MRPL37: variants seen among roughly 807,000 people sequenced by gnomAD.
MRPL37 encodes mitochondrial ribosomal protein L37.
MRPL37 carries 34 observed loss-of-function variants against 44.1 expected under a neutral mutation model. That is an observed-to-expected ratio of 0.77 (90% confidence interval 0.59 to 1.03). The LOEUF is 1.03. Ranked by LOEUF, MRPL37 falls within the 50% of genes least tolerant of loss-of-function variation. MRPL37 has a pLI of 0.00. For missense variants in MRPL37, 532 were observed against 543.7 expected (o/e 0.98, Z 0.21); for synonymous variants, 212 against 219.5 (o/e 0.97, Z 0.30).
At position 54,218,280 on chromosome 1, in the gene MRPL37, T is replaced by G. The variant is rs1644211529; in HGVS notation, c.*31T>G. 1 of 1,613,956 alleles carries G rather than the reference T, an allele frequency of 6.2e-7. No homozygotes were observed. The highest frequency in any genetic ancestry group is 1.7e-5 in the Admixed American group (1 of 60,010). On this transcript the variant is annotated 3_prime_UTR_variant, in exon 7 of 7. Transcript: ENST00000360840. ...GGACCCCTCTGAATCCTGAAACCCC[T>G]CTTGCCTCTCTTCCACGGAAGAGGG...
chr1:54,224,379 G>A (rs1234699197), downstream of MRPL37, among the ~76,000 whole-genome samples: 3 of 152,208 alleles, frequency 2.0e-5, no homozygotes, highest in African/African-American at 7.2e-5. Flanking sequence ...AACATCACTT[G>A]TAGCGAACAC....
chr1:54,204,997 TTG>T lies in MRPL37; in HGVS notation c.347-18_347-17del, dbSNP rs774987753. The T allele has an allele frequency of 6.3e-7, 1 of 1,591,736 alleles. No individual in the cohort carries two copies. The highest frequency in any genetic ancestry group is 8.6e-7 in the Non-Finnish European group (1 of 1,167,466). ...AATCTTTTTCTTTCCTTCTTTATTT[TTG>T]TGGCTAATTACCTCAAAGGTGTAAA... On this transcript the variant is annotated intron_variant, in intron 1 of 6. Transcript: ENST00000360840.
At chr1:54,208,270 C>T (rs11206302) in intron 3 of MRPL37, among the ~76,000 whole-genome samples, 133,897 of 152,178 alleles carry the variant, frequency 0.88, 59,150 homozygotes, top group Non-Finnish European at 0.92. Context: ...TGGCTGGGTG[C>T]GGTGGCTCAT....
chr1:54,220,282 C>T (rs80011366), downstream of MRPL37, among the ~76,000 whole-genome samples: 646 of 152,178 alleles, frequency 4.2e-3, 4 homozygotes, highest in African/African-American at 0.015. Context: ...TCTGAGTAAG[C>T]GGACCATCAG....
chr1:54,209,427 T>C (rs1003589319), intron 3 of MRPL37, among the ~76,000 whole-genome samples: 40 of 152,140 alleles, frequency 2.6e-4, no homozygotes, highest in African/African-American at 9.2e-4. Flanking sequence ...GCTTTAGACT[T>C]TGCAGGATTG....
At chr1:54,219,924 G>C (rs150711211), downstream of MRPL37, among the ~76,000 whole-genome samples, 65 of 152,330 alleles carry the variant, frequency 4.3e-4, 1 homozygote, top group African/African-American at 1.5e-3. Context: ...ATTAGTATCT[G>C]TTGATGGCAG....
chr1:54,221,869 T>G (rs1644237256), downstream of MRPL37, among the ~76,000 whole-genome samples: 1 of 152,066 alleles, frequency 6.6e-6, no homozygotes, highest in African/African-American at 2.4e-5. Context: ...GTACCAGGTG[T>G]TGTGCTGGGA....
downstream of MRPL37, chr1:54,220,880 C>T (rs543583729): frequency 1.9e-3 from 864 of 453,110 alleles, 12 homozygotes; most frequent in South Asian, 0.013. Flanking sequence ...CCATTGTGAA[C>T]GTATTTCTCA....
At chr1:54,225,130 TAA>T (rs922901480), downstream of MRPL37, 7 of 1,234,056 alleles carry the variant, frequency 5.7e-6, no homozygotes, top group East Asian at 1.6e-4. Context: ...TCCAGAAAAA[TAA>T]AAGACATTCC....
chr1:54,205,805 A>G (rs1644117707), intron 3 of MRPL37, among the ~76,000 whole-genome samples: 2 of 152,202 alleles, frequency 1.3e-5, no homozygotes, highest in Admixed American at 1.3e-4. Context: ...CATTTTCATC[A>G]TGGCCTGCTA....
intron 3 of MRPL37, 98 bp downstream of exon 3, chr1:54,205,508 G>A (rs1336561772): frequency 8.4e-6 from 8 of 949,160 alleles, no homozygotes; most frequent in African/African-American, 4.9e-5. Flanking sequence ...CCCAAATACC[G>A]ATCCTTACTC....
intron 4 of MRPL37, 112 bp downstream of exon 4, chr1:54,210,243 T>C: frequency 9.8e-7 from 1 of 1,021,670 alleles, no homozygotes. Context: ...TCGTGTGTAT[T>C]ACCTATCTCC....
intron 6 of MRPL37, among the ~76,000 whole-genome samples, chr1:54,217,682 TTTC>T (rs1557735275): frequency 1.3e-5 from 2 of 152,230 alleles, no homozygotes; most frequent in Non-Finnish European, 2.9e-5. Flanking sequence ...TTCTTCCTGC[TTTC>T]TTCTTTTTCC....
chr1:54,203,851 A>AG (rs920896034), intron 1 of MRPL37, among the ~76,000 whole-genome samples: 1 of 152,176 alleles, frequency 6.6e-6, no homozygotes, highest in East Asian at 1.9e-4. Flanking sequence ...GTACATAGCT[A>AG]GGGTCAGCTA....
Position 54,207,737 on chromosome 1 carries a change from A to G in MRPL37, c.647-2209A>G, listed in dbSNP as rs36095846. ...TCTTGCAGATTATATGTGAGGAAAC[A>G]GGAAATACTTTAGAAAACTATTCTT... is the stretch of plus-strand genomic sequence containing the variant. On this transcript the variant is annotated intron_variant, in intron 3 of 6. Transcript: ENST00000360840. 3.0e-3 allele frequency among the ~76,000 whole-genome samples: 453 copies of G among 152,362 alleles called. 3 individuals carry two copies. The highest frequency in any genetic ancestry group is 0.011 in the African/African-American group (439 of 41,580).
chr1:54,225,024 A>G, downstream of MRPL37: 1 of 1,165,396 alleles, frequency 8.6e-7, no homozygotes, highest in Non-Finnish European at 1.1e-6. Flanking sequence ...AGCCAGTCCC[A>G]CCCGAGGGGA....
rs1202528997 is a variant in MRPL37 at position 54,212,529 on chromosome 1, TC to T, written c.865del (p.His289IlefsTer25). The T allele has an allele frequency of 6.2e-7, 1 of 1,614,182 alleles. No individual in the cohort carries two copies. Among genetic ancestry groups the T allele is most frequent in the East Asian group, 2.2e-5 (1 of 44,890 alleles). On this transcript the variant is annotated frameshift_variant, in exon 5 of 7. Coordinates refer to ENST00000360840, the MANE Select transcript of MRPL37 (RefSeq NM_016491.4). LOFTEE classifies it high-confidence loss of function. ...TCCAGGAAGGCTATCCTTACCCCTATCCCCATACCCTGTACTTACTGGACAA... is the reference window on the plus strand; with the variant it reads ...TCCAGGAAGGCTATCCTTACCCCTATCCCATACCCTGTACTTACTGGACAA... ...GFQEGYPYPY[P>X]HTLYLLDKAN... is the part of the protein sequence containing the mutation.
At chr1:54,206,919 G>A (rs1644128244) in intron 3 of MRPL37, among the ~76,000 whole-genome samples, 1 of 151,770 alleles carries the variant, frequency 6.6e-6, no homozygotes, top group Admixed American at 6.6e-5. Flanking sequence ...GTGTGTGTGT[G>A]TGTGTGTATT....
chr1:54,220,533 G>GA, downstream of MRPL37: 1 of 398,768 alleles, frequency 2.5e-6, no homozygotes, highest in South Asian at 1.9e-5. Flanking sequence ...TGGAGATGAG[G>GA]AAACAGGCTT....
Sources: gnomAD v4.1 joint callset for allele counts (sites outside exome capture counted in the v4.1 genomes callset) on GRCh38, gnomAD v4.1.1 for gene constraint, MANE v1.5 for transcripts, NCBI Gene and HGNC (gene_info 2026-07-23, HGNC 2026-07-21) for gene names.